Variants in MYO1D observed in about 807,000 individuals in gnomAD.
MYO1D encodes myosin ID.
MYO1D carries 83 observed loss-of-function variants against 122.0 expected under a neutral mutation model. The ratio of observed to expected loss-of-function variants is 0.68; its 90% CI spans 0.57 to 0.82. The LOEUF (loss-of-function observed/expected upper bound fraction) is 0.82, where lower values mean the gene tolerates loss of function less well. MYO1D is among the 40% of genes least tolerant of loss of function. The pLI is 0.00. For missense variants in MYO1D, 1,157 were observed against 1,269.5 expected (o/e 0.91, Z 1.35); for synonymous variants, 464 against 446.9 (o/e 1.04, Z -0.48).
At chr17:32,630,962 G>A (rs959499803) in intron 20 of MYO1D, among the ~76,000 whole-genome samples, 1 of 152,044 alleles carries the variant, frequency 6.6e-6, no homozygotes, top group Non-Finnish European at 1.5e-5. Context: ...CTGTACCTAT[G>A]TTGTAATCTC....
In MYO1D at chr17:32,749,148, T is replaced by C. The variant is rs1032269878; in HGVS notation, c.1468-142A>G. 2.1e-5 allele frequency: 16 copies of C among 748,944 alleles called. No individual in the cohort carries two copies. In the South Asian group the frequency reaches 2.3e-4, roughly 11 times the overall value. The allele number at this position is 748,944 out of a possible 1,614,324, so 46.4% of individuals were successfully genotyped here. ...GGGCTTGATTTAAAAATATGGCTTATGTATTATAAAGACTAAACTTTCACT... is the reference window on the plus strand; with the variant it reads ...GGGCTTGATTTAAAAATATGGCTTACGTATTATAAAGACTAAACTTTCACT... On this transcript the variant is annotated intron_variant, in intron 11 of 21. Coordinates refer to ENST00000318217, the MANE Select transcript of MYO1D (RefSeq NM_015194.3).
chr17:32,525,354 G>A (rs972026605), intron 21 of MYO1D, among the ~76,000 whole-genome samples: 3 of 152,134 alleles, frequency 2.0e-5, no homozygotes, highest in African/African-American at 4.8e-5. Context: ...AAATGAGGTC[G>A]CCACATGGCA....
At chr17:32,563,778 C>T (rs2087148083) in intron 21 of MYO1D, among the ~76,000 whole-genome samples, 1 of 152,206 alleles carries the variant, frequency 6.6e-6, no homozygotes, top group Admixed American at 6.5e-5. Flanking sequence ...CATTCCTCAC[C>T]CTGTCCCTTT....
chr17:32,818,547 C>A (rs2090633558), intron 1 of MYO1D, among the ~76,000 whole-genome samples: 1 of 152,196 alleles, frequency 6.6e-6, no homozygotes, highest in Non-Finnish European at 1.5e-5. Flanking sequence ...AGAAGAGCTG[C>A]TGAGAGAGAG....
rs2151013110 is a variant in MYO1D at position 32,755,435 on chromosome 17, C to T, written c.1467+57G>A. On this transcript the variant is annotated intron_variant, in intron 11 of 21. Transcript: ENST00000318217. ...AACATATAAAGTCGTTGAACTCCAT[C>T]AAACAATAAGGAGAACCTCACAGAT... 4 of 1,543,034 alleles carry T rather than the reference C, an allele frequency of 2.6e-6. No homozygotes were observed. The East Asian group carries it at 9.1e-5, about 35-fold the overall frequency.
intron 16 of MYO1D, among the ~76,000 whole-genome samples, chr17:32,690,885 T>G (rs980708640): frequency 3.3e-5 from 5 of 152,212 alleles, no homozygotes; most frequent in Non-Finnish European, 5.9e-5. Flanking sequence ...AAGAACAGAC[T>G]AACACCATAT....
intron 20 of MYO1D, among the ~76,000 whole-genome samples, chr17:32,630,227 G>A (rs1051001262): frequency 6.6e-6 from 1 of 152,116 alleles, no homozygotes. Flanking sequence ...CTAGTATTCA[G>A]ATCTGTTTCT....
chr17:32,527,641 T>TAAA (rs36077873), intron 21 of MYO1D, among the ~76,000 whole-genome samples: 57 of 150,880 alleles, frequency 3.8e-4, no homozygotes, highest in African/African-American at 1.3e-3. Flanking sequence ...AAAAATAAGA[T>TAAA]AAAAAAAATA....
intron 20 of MYO1D, among the ~76,000 whole-genome samples, chr17:32,623,376 A>T (rs1019645974): frequency 9.3e-5 from 14 of 150,932 alleles, no homozygotes; most frequent in Admixed American, 3.3e-4. Context: ...AAACTCATTT[A>T]TTTAATGGCT....
At chr17:32,508,696 T>C (rs957489518) in intron 21 of MYO1D, among the ~76,000 whole-genome samples, 4 of 152,286 alleles carry the variant, frequency 2.6e-5, no homozygotes, top group African/African-American at 9.6e-5. Context: ...ACGAGGTGAA[T>C]TTCCTTTTCA....
At chr17:32,497,907 CA>C (rs1909176909) in intron 21 of MYO1D, 1 of 152,426 alleles carries the variant, frequency 6.6e-6, no homozygotes, top group Non-Finnish European at 1.5e-5. Context: ...GCCAGCCCCA[CA>C]GCTGCTCAGT....
chr17:32,507,892 C>CTTTTT (rs34271237), intron 21 of MYO1D, among the ~76,000 whole-genome samples: 2 of 109,318 alleles, frequency 1.8e-5, no homozygotes, highest in Non-Finnish European at 3.6e-5. Context: ...CCATGCTGGA[C>CTTTTT]TTTTTTTTTT....
chr17:32,876,717 A>G, intron 1 of MYO1D, 61 bp downstream of exon 1: 1 of 1,383,548 alleles, frequency 7.2e-7, no homozygotes, highest in South Asian at 1.3e-5. Flanking sequence ...CCGCGCCCCG[A>G]GGCGCCCCCT....
At chr17:32,496,613 C>T (rs1245049506) in intron 21 of MYO1D, among the ~76,000 whole-genome samples, 1 of 152,160 alleles carries the variant, frequency 6.6e-6, no homozygotes, top group African/African-American at 2.4e-5. Flanking sequence ...CCAGATGCCT[C>T]CAGGACCAGG....
At chr17:32,650,122 C>T (rs1207477824) in intron 19 of MYO1D, among the ~76,000 whole-genome samples, 2 of 152,062 alleles carry the variant, frequency 1.3e-5, no homozygotes, top group African/African-American at 4.8e-5. Flanking sequence ...TTAACATTTC[C>T]TATAGTGTTT....
At chr17:32,588,117 A>T (rs1271586034) in intron 21 of MYO1D, among the ~76,000 whole-genome samples, 1 of 152,214 alleles carries the variant, frequency 6.6e-6, no homozygotes, top group Non-Finnish European at 1.5e-5. Flanking sequence ...ATAACAAAGA[A>T]GATTTCAGAA....
At chr17:32,862,333 C>G (rs2091084631) in intron 1 of MYO1D, among the ~76,000 whole-genome samples, 1 of 152,152 alleles carries the variant, frequency 6.6e-6, no homozygotes, top group African/African-American at 2.4e-5. Flanking sequence ...GAACAAGAAC[C>G]GTGTCTATCT....
rs76196042 is a variant in MYO1D at position 32,633,374 on chromosome 17, T to C, written c.2709+5348A>G. 7.2e-3 allele frequency among the ~76,000 whole-genome samples: 1,094 copies of C among 152,270 alleles called. 8 individuals are homozygous for C. Among genetic ancestry groups the C allele is most frequent in the South Asian group, 0.011 (51 of 4,822 alleles). ...AGGAACACAAAGGAGTATATACCTATAGGTACAATGAAGAGCTCTTCACTC... is the reference window on the plus strand; with the variant it reads ...AGGAACACAAAGGAGTATATACCTACAGGTACAATGAAGAGCTCTTCACTC... On this transcript the variant is annotated intron_variant, in intron 20 of 21. Transcript: ENST00000318217.
At chr17:32,664,339 A>C (rs1261995709) in intron 16 of MYO1D, among the ~76,000 whole-genome samples, 1 of 152,212 alleles carries the variant, frequency 6.6e-6, no homozygotes, top group African/African-American at 2.4e-5. Flanking sequence ...CTTTGTTTAA[A>C]GCAGCTTAAA....
Sources: allele counts gnomAD v4.1 joint callset (sites outside exome capture counted in the v4.1 genomes callset), GRCh38; gene constraint gnomAD v4.1.1; transcripts MANE v1.5; gene names NCBI Gene and HGNC (gene_info 2026-07-23, HGNC 2026-07-21).